GXYLT1: variants seen among roughly 807,000 people sequenced by gnomAD.
GXYLT1 encodes the protein glycosyltransferase 8 domain containing 3.
GXYLT1 carries 29 observed loss-of-function variants against 54.0 expected under a neutral mutation model. That is an observed-to-expected ratio of 0.54 (90% confidence interval 0.40 to 0.73). The LOEUF (loss-of-function observed/expected upper bound fraction) is 0.73, where lower values mean the gene tolerates loss of function less well. GXYLT1 is among the 30% of genes least tolerant of loss of function. The probability of loss-of-function intolerance (pLI) is 0.00; values close to 1 mark genes in which losing one functional copy is unlikely to be tolerated. For synonymous variants in GXYLT1, 176 were observed against 204.1 expected, an observed-to-expected ratio of 0.86 and a Z score of 1.17; for missense variants, 490 against 553.4, an observed-to-expected ratio of 0.89 and a Z score of 1.15.
At chr12:42,105,688 CTAA>C (rs1051834970) in intron 5 of GXYLT1, 127 bp downstream of exon 5, 56 of 631,162 alleles carry the variant, frequency 8.9e-5, no homozygotes, top group African/African-American at 7.9e-4. Context: ...TTATATTCTT[CTAA>C]TGAGATTATT....
chr12:42,103,182 C>T (rs1475353701), intron 5 of GXYLT1, among the ~76,000 whole-genome samples: 1 of 152,184 alleles, frequency 6.6e-6, no homozygotes, highest in Non-Finnish European at 1.5e-5. Context: ...TGGTCTCACA[C>T]TCCTGGCCTC....
chr12:42,110,988 G>C (rs980123374), intron 3 of GXYLT1, among the ~76,000 whole-genome samples: 1 of 152,122 alleles, frequency 6.6e-6, no homozygotes, highest in East Asian at 1.9e-4. Flanking sequence ...AATTCAGCCA[G>C]GTGTAAACAC....
chr12:42,112,517 C>T (rs146789194), intron 3 of GXYLT1, among the ~76,000 whole-genome samples: 2,067 of 152,094 alleles, frequency 0.014, 56 homozygotes, highest in African/African-American at 0.046. Flanking sequence ...GTAGCCAATG[C>T]GACCAACTGG....
intron 2 of GXYLT1, 71 bp from the exon 3 acceptor site, chr12:42,119,242 C>A: frequency 1.5e-6 from 2 of 1,306,314 alleles, no homozygotes; most frequent in South Asian, 1.3e-5. Flanking sequence ...TCATCATGCT[C>A]AAAAAGTGAA....
chr12:42,141,334 G>A (rs1179787965), intron 1 of GXYLT1, among the ~76,000 whole-genome samples: 1 of 152,154 alleles, frequency 6.6e-6, no homozygotes, highest in African/African-American at 2.4e-5. Flanking sequence ...GAGCTGCCCT[G>A]CTATCTGCAG....
chr12:42,117,342 A>G (rs1209133555), intron 3 of GXYLT1, among the ~76,000 whole-genome samples: 1 of 152,116 alleles, frequency 6.6e-6, no homozygotes, highest in Non-Finnish European at 1.5e-5. Flanking sequence ...TCTAACAAAA[A>G]TACAGATACT....
chr12:42,094,412 A>G (rs1482650496), intron 7 of GXYLT1, among the ~76,000 whole-genome samples: 1 of 150,750 alleles, frequency 6.6e-6, no homozygotes, highest in Non-Finnish European at 1.5e-5. Flanking sequence ...AATCTCAGCC[A>G]CTATGGAGGC....
At chr12:42,120,497 G>A (rs967025659) in intron 2 of GXYLT1, among the ~76,000 whole-genome samples, 3 of 151,992 alleles carry the variant, frequency 2.0e-5, no homozygotes, top group Non-Finnish European at 2.9e-5. Flanking sequence ...CTTCTTTCAC[G>A]TCTGGTGTTA....
intron 1 of GXYLT1, among the ~76,000 whole-genome samples, chr12:42,142,119 G>A (rs1341230102): frequency 2.0e-5 from 3 of 152,226 alleles, no homozygotes; most frequent in African/African-American, 7.2e-5. Flanking sequence ...CTGAAAAGAG[G>A]AAGCTGCTGG....
At chr12:42,116,357 G>A (rs1235532542) in intron 3 of GXYLT1, among the ~76,000 whole-genome samples, 1 of 152,052 alleles carries the variant, frequency 6.6e-6, no homozygotes, top group Non-Finnish European at 1.5e-5. Context: ...TACAGAATGG[G>A]AGAAAATTTT....
At chr12:42,094,251 G>A (rs1490989879) in intron 7 of GXYLT1, among the ~76,000 whole-genome samples, 1 of 151,770 alleles carries the variant, frequency 6.6e-6, no homozygotes, top group African/African-American at 2.4e-5. Flanking sequence ...ATATTTGGGA[G>A]GCTGTGGGAG....
chr12:42,091,464 A>G (rs2065328970), intron 7 of GXYLT1, among the ~76,000 whole-genome samples: 1 of 152,122 alleles, frequency 6.6e-6, no homozygotes, highest in Non-Finnish European at 1.5e-5. Context: ...TTTTATAGGA[A>G]TGCATTTCTT....
At chr12:42,111,537 A>G (rs181713834) in intron 3 of GXYLT1, among the ~76,000 whole-genome samples, 10 of 152,292 alleles carry the variant, frequency 6.6e-5, no homozygotes, top group East Asian at 5.8e-4. Flanking sequence ...CACTGCTAGC[A>G]CAGCAGTCCG....
rs147175333 is a variant in GXYLT1, at chr12:42,110,765, T to G, written c.487-1074A>C. 5.4e-3 allele frequency among the ~76,000 whole-genome samples: 824 copies of G among 152,328 alleles called. 5 individuals carry two copies. The highest frequency in any genetic ancestry group is 0.019 in the African/African-American group (772 of 41,578). ...AGCACTGTCATTTCCCTGCTCCACT[T>G]ATTAATCACTTAAAGATCTTTTCAA... On this transcript the variant is annotated intron_variant, in intron 3 of 7. Coordinates refer to ENST00000398675, the MANE Select transcript of GXYLT1 (RefSeq NM_173601.2).
Position 42,144,826 on chromosome 12 carries a change from G to C in GXYLT1, c.-180C>G. 2.5e-6 allele frequency: 1 copy of C among 392,336 alleles called. No homozygotes were observed. 24.3% of individuals were successfully genotyped at this position (392,336 alleles called of 1,614,324 possible). A position where few individuals can be genotyped will look rare whatever the true frequency, so the allele number is the denominator to read the frequency against. Reference sequence around the variant, plus strand: ...CCACCACCTAGGCGAGCGCAGTCGCGGCTCCGGAGCCGAAGGACTACCCGC... The same window carrying C: ...CCACCACCTAGGCGAGCGCAGTCGCCGCTCCGGAGCCGAAGGACTACCCGC... On this transcript the variant is annotated 5_prime_UTR_variant, in exon 1 of 8. Coordinates refer to ENST00000398675, the MANE Select transcript of GXYLT1 (RefSeq NM_173601.2).
rs557843241 is a variant in GXYLT1 at position 42,086,227 on chromosome 12, C to T, written c.*1559G>A. 2.2e-4 allele frequency: 34 copies of T among 152,384 alleles called. No individual in the cohort carries two copies. The highest frequency in any genetic ancestry group is 8.2e-4 in the African/African-American group (34 of 41,596). 9.4% of individuals were successfully genotyped at this position (152,384 alleles called of 1,614,324 possible). Reference sequence around the variant, plus strand: ...GGCATTCTGCCAAGGAACTACAACTCGTGTTCTCTAAACCCATCTGTTCTA... The same window carrying T: ...GGCATTCTGCCAAGGAACTACAACTTGTGTTCTCTAAACCCATCTGTTCTA... On this transcript the variant is annotated 3_prime_UTR_variant, in exon 8 of 8. Coordinates refer to ENST00000398675, the MANE Select transcript of GXYLT1 (RefSeq NM_173601.2).
Position 42,137,709 on chromosome 12 carries a change from A to G in GXYLT1, c.221+6717T>C, listed in dbSNP as rs369389041. Among the ~76,000 whole-genome samples, 26 of 136,722 alleles carry G rather than the reference A, an allele frequency of 1.9e-4. 1 individual carries two copies. The East Asian group carries it at 2.7e-3, about 14-fold the overall frequency. 89.7% of individuals were successfully genotyped at this position (136,722 alleles called of 152,430 possible). ...GAGGCGGAGCTTGCCTTGAGCCGAG[A>G]TCATGCCACTGCACTCCAGCCTAAG... is the stretch of plus-strand genomic sequence containing the variant. On this transcript the variant is annotated intron_variant, in intron 1 of 7. Transcript: ENST00000398675.
At chr12:42,122,571 C>T (rs2065537550) in intron 2 of GXYLT1, among the ~76,000 whole-genome samples, 1 of 152,052 alleles carries the variant, frequency 6.6e-6, no homozygotes, top group African/African-American at 2.4e-5. Context: ...GTCTGGGCAA[C>T]AGAGCGAGAC....
rs1384488572 is a variant in GXYLT1, at chr12:42,085,311, G to A, written c.*2475C>T. On this transcript the variant is annotated 3_prime_UTR_variant, in exon 8 of 8. Coordinates refer to ENST00000398675, the MANE Select transcript of GXYLT1 (RefSeq NM_173601.2). The stretch of plus-strand genomic sequence containing the variant: ...GATCCACAATGTAGTGTGTGTGACA[G>A]TGTAAATAAGCCACAACATGAGTGA... 1.3e-5 allele frequency: 2 copies of A among 152,290 alleles called. No individual in the cohort carries two copies. Among genetic ancestry groups the A allele is most frequent in the Non-Finnish European group, 2.9e-5 (2 of 68,066 alleles). 9.4% of individuals were successfully genotyped at this position (152,290 alleles called of 1,614,324 possible). A position where few individuals can be genotyped will look rare whatever the true frequency, so the allele number is the denominator to read the frequency against.
Sources: gnomAD v4.1 joint callset for allele counts (sites outside exome capture counted in the v4.1 genomes callset) on GRCh38, gnomAD v4.1.1 for gene constraint, MANE v1.5 for transcripts, NCBI Gene and HGNC (gene_info 2026-07-23, HGNC 2026-07-21) for gene names.